CLSTN2: variants seen among roughly 807,000 people sequenced by gnomAD.
CLSTN2 encodes the protein calsyntenin-2.
A neutral mutation model predicts 101.2 loss-of-function variants in CLSTN2; 48 were observed. The observed-to-expected ratio is 0.47, with a 90% confidence interval of 0.38 to 0.60. The LOEUF (loss-of-function observed/expected upper bound fraction) is 0.60, where lower values mean the gene tolerates loss of function less well. Among genes scored for constraint, CLSTN2 ranks in the 20% least tolerant of loss-of-function variants. The pLI, the probability that CLSTN2 is intolerant of heterozygous loss-of-function variation, is 0.00. For missense variants in CLSTN2, 1,160 were observed against 1,238.2 expected (o/e 0.94, Z 0.95); for synonymous variants, 481 against 463.6 (o/e 1.04, Z -0.48).
intron 1 of CLSTN2, among the ~76,000 whole-genome samples, chr3:139,963,293 T>C (rs992104812): frequency 2.0e-5 from 3 of 152,184 alleles, no homozygotes; most frequent in African/African-American, 7.2e-5. Context: ...TCAGGTGCTC[T>C]GGTGTTTGGT....
intron 1 of CLSTN2, among the ~76,000 whole-genome samples, chr3:139,997,024 G>A (rs1349826614): frequency 1.5e-5 from 2 of 132,710 alleles, no homozygotes; most frequent in Non-Finnish European, 3.2e-5. Context: ...TCCAGCCTGG[G>A]CAACAAGAGC....
At chr3:140,233,366 GGT>G (rs2086388088) in intron 2 of CLSTN2, among the ~76,000 whole-genome samples, 1 of 152,134 alleles carries the variant, frequency 6.6e-6, no homozygotes, top group Admixed American at 6.6e-5. Context: ...GGGCTGTATA[GGT>G]GTTCTCCTCC....
Position 140,466,732 on chromosome 3 carries a change from G to C in CLSTN2, c.1344+1G>C. ...GGAGTTCCACTGGAAGCTGGATCAG[G>C]TATGGTGCTCACCTCACACCTGCTG... On this transcript the variant is annotated splice_donor_variant, in intron 8 of 16. Coordinates refer to ENST00000458420, the MANE Select transcript of CLSTN2 (RefSeq NM_022131.3). LOFTEE classifies it high-confidence loss of function. 6.2e-7 allele frequency: 1 copy of C among 1,613,972 alleles called. No homozygotes were observed. Among genetic ancestry groups the C allele is most frequent in the South Asian group, 1.1e-5 (1 of 91,056 alleles).
At chr3:140,281,763 C>CGAGA (rs10548653) in intron 2 of CLSTN2, among the ~76,000 whole-genome samples, 2 of 150,878 alleles carry the variant, frequency 1.3e-5, no homozygotes, top group African/African-American at 2.4e-5. Context: ...AGAGAGAGAG[C>CGAGA]GAGAGAGAGA....
chr3:139,952,971 C>T (rs977929704), intron 1 of CLSTN2, among the ~76,000 whole-genome samples: 21 of 152,174 alleles, frequency 1.4e-4, no homozygotes, highest in African/African-American at 4.3e-4. Context: ...ATATTCTACC[C>T]ATAGCCAGCT....
chr3:140,439,352 C>T (rs1305490541), intron 5 of CLSTN2, among the ~76,000 whole-genome samples: 24 of 152,320 alleles, frequency 1.6e-4, no homozygotes, highest in Middle Eastern at 3.4e-3. Flanking sequence ...CTGCAGTTTC[C>T]CAGTTGCTAC....
intron 5 of CLSTN2, among the ~76,000 whole-genome samples, chr3:140,439,660 G>A (rs57670928): frequency 0.029 from 4,378 of 152,236 alleles, 200 homozygotes; most frequent in African/African-American, 0.097. Context: ...ATTTGTCCAC[G>A]ACATTTCAAT....
chr3:140,428,470 A>G (rs1264494638), intron 5 of CLSTN2, among the ~76,000 whole-genome samples: 1 of 151,804 alleles, frequency 6.6e-6, no homozygotes, highest in African/African-American at 2.4e-5. Context: ...GGCTTTCACT[A>G]TTTTTCCCCA....
intron 1 of CLSTN2, among the ~76,000 whole-genome samples, chr3:140,049,784 CA>C (rs2007955879): frequency 6.6e-6 from 1 of 152,246 alleles, no homozygotes. Context: ...AGTGACCCCT[CA>C]AAAGGTGATC....
At chr3:140,563,545 G>C (rs1935966295) in intron 15 of CLSTN2, among the ~76,000 whole-genome samples, 2 of 152,058 alleles carry the variant, frequency 1.3e-5, no homozygotes, top group Non-Finnish European at 2.9e-5. Flanking sequence ...AACGTCCTCT[G>C]CCCAAATTTC....
intron 2 of CLSTN2, among the ~76,000 whole-genome samples, chr3:140,321,197 A>G: frequency 6.6e-6 from 1 of 152,132 alleles, no homozygotes; most frequent in East Asian, 1.9e-4. Flanking sequence ...TTCCAGGAAA[A>G]GGGGCTTTGG....
At chr3:140,439,486 C>T (rs2088735287) in intron 5 of CLSTN2, among the ~76,000 whole-genome samples, 1 of 152,212 alleles carries the variant, frequency 6.6e-6, no homozygotes, top group African/African-American at 2.4e-5. Flanking sequence ...AATTATATCT[C>T]CTCTGTCATC....
chr3:140,556,384 G>C (rs1032341992), intron 10 of CLSTN2, 129 bp from the exon 11 acceptor site: 1 of 790,642 alleles, frequency 1.3e-6, no homozygotes. Flanking sequence ...ACACACAACT[G>C]TGTCACTGGC....
chr3:140,549,389 C>T (rs909753764), intron 10 of CLSTN2, among the ~76,000 whole-genome samples: 1 of 151,688 alleles, frequency 6.6e-6, no homozygotes, highest in African/African-American at 2.4e-5. Context: ...TCTGATTTTT[C>T]AGGATACTGA....
chr3:140,474,952 A>AGGCTGTGTTGCAGAGGCTGTACCATG (rs879890614), intron 8 of CLSTN2, among the ~76,000 whole-genome samples: 3 of 150,858 alleles, frequency 2.0e-5, no homozygotes, highest in Admixed American at 6.6e-5. Context: ...CAGTGGAAAG[A>AGGCTGTGTTGCAGAGGCTGTACCATG]AGCCCCCACT....
chr3:140,174,442 C>T (rs1243249297), intron 1 of CLSTN2, among the ~76,000 whole-genome samples: 1 of 152,186 alleles, frequency 6.6e-6, no homozygotes, highest in Non-Finnish European at 1.5e-5. Context: ...CAAACTGTTC[C>T]AACCTCTGCC....
intron 1 of CLSTN2, among the ~76,000 whole-genome samples, chr3:139,955,437 C>T (rs1004641323): frequency 2.0e-5 from 3 of 152,052 alleles, no homozygotes; most frequent in Admixed American, 6.6e-5. Flanking sequence ...CTAACAAACC[C>T]CTGCACAACT....
At chr3:140,127,204 C>T (rs1161994068) in intron 1 of CLSTN2, among the ~76,000 whole-genome samples, 2 of 152,062 alleles carry the variant, frequency 1.3e-5, no homozygotes, top group Non-Finnish European at 2.9e-5. Flanking sequence ...ATCTGTGTTA[C>T]TGACAGGCTG....
intron 1 of CLSTN2, among the ~76,000 whole-genome samples, chr3:139,948,653 C>T (rs1935248383): frequency 6.6e-6 from 1 of 152,144 alleles, no homozygotes; most frequent in South Asian, 2.1e-4. Flanking sequence ...AGCAAGTCCT[C>T]TGTCTTTAGT....
Sources: gnomAD v4.1 joint callset for allele counts (sites outside exome capture counted in the v4.1 genomes callset) on GRCh38, gnomAD v4.1.1 for gene constraint, MANE v1.5 for transcripts, NCBI Gene and HGNC (gene_info 2026-07-23, HGNC 2026-07-21) for gene names.